LINGO2: variants seen among roughly 807,000 people sequenced by gnomAD.
LINGO2 encodes the protein leucine rich repeat and Ig domain containing 2.
Under a neutral mutation model 30.6 loss-of-function variants are expected in LINGO2, and 14 were observed. The observed-to-expected ratio is 0.46, with a 90% CI of 0.30 to 0.72. The LOEUF is 0.72. LINGO2 is among the 30% of genes least tolerant of loss of function. The pLI, the probability that LINGO2 is intolerant of heterozygous loss-of-function variation, is 0.07. For synonymous variants in LINGO2, 317 were observed against 288.5 expected (o/e 1.10, Z -1.00); for missense variants, 729 against 751.7 (o/e 0.97, Z 0.35).
At chr9:28,391,946 C>T (rs902298955) in intron 2 of LINGO2, among the ~76,000 whole-genome samples, 8 of 151,982 alleles carry the variant, frequency 5.3e-5, no homozygotes, top group African/African-American at 1.5e-4. Context: ...TGGTGGCTCA[C>T]GCCTGTAATC....
the LINGO2 span, chr9:28,863,752 C>CAA: frequency 1.4e-5 from 6 of 423,042 alleles, no homozygotes; most frequent in Non-Finnish European, 2.7e-5. Flanking sequence ...AAAACAGTAC[C>CAA]CTTTGGCCAC....
At chr9:28,745,418 G>C in the LINGO2 span, among the ~76,000 whole-genome samples, 1 of 152,174 alleles carries the variant, frequency 6.6e-6, no homozygotes, top group East Asian at 1.9e-4. Context: ...AAGGTGGTGT[G>C]TGAATAATGG....
At chr9:28,075,467 T>A (rs888268896) in intron 4 of LINGO2, among the ~76,000 whole-genome samples, 1 of 152,008 alleles carries the variant, frequency 6.6e-6, no homozygotes, top group African/African-American at 2.4e-5. Flanking sequence ...AGGAAAAGAA[T>A]TGCTAGTTAA....
intron 2 of LINGO2, among the ~76,000 whole-genome samples, chr9:28,435,450 C>T (rs998389457): frequency 2.0e-5 from 3 of 152,136 alleles, no homozygotes; most frequent in Non-Finnish European, 4.4e-5. Context: ...AGGACAAAAA[C>T]ATGCCATGTA....
At chr9:28,387,919 C>T (rs1587594951) in intron 2 of LINGO2, among the ~76,000 whole-genome samples, 1 of 152,300 alleles carries the variant, frequency 6.6e-6, no homozygotes, top group East Asian at 1.9e-4. Flanking sequence ...TCTTTAAGAA[C>T]TGTAACACTC....
chr9:28,922,615 G>A, the LINGO2 span, among the ~76,000 whole-genome samples: 14 of 152,206 alleles, frequency 9.2e-5, no homozygotes, highest in Admixed American at 6.6e-4. Flanking sequence ...AACAGTAAAT[G>A]GGATCAAGAA....
At chr9:28,381,005 C>A (rs146484824) in intron 2 of LINGO2, among the ~76,000 whole-genome samples, 2 of 152,060 alleles carry the variant, frequency 1.3e-5, no homozygotes, top group East Asian at 3.9e-4. Context: ...CTACACAGGG[C>A]CCAAAGGAAC....
chr9:28,947,482 T>A, the LINGO2 span, among the ~76,000 whole-genome samples: 1 of 152,094 alleles, frequency 6.6e-6, no homozygotes, highest in African/African-American at 2.4e-5. Flanking sequence ...GATAACTTAC[T>A]GACTAACATA....
chr9:28,165,757 C>A (rs1828410620), intron 4 of LINGO2, among the ~76,000 whole-genome samples: 2 of 152,122 alleles, frequency 1.3e-5, no homozygotes, highest in African/African-American at 4.8e-5. Context: ...CTCAATTTAC[C>A]AAATCTTACC....
At chr9:28,892,288 T>A in the LINGO2 span, among the ~76,000 whole-genome samples, 1 of 151,970 alleles carries the variant, frequency 6.6e-6, no homozygotes, top group Admixed American at 6.6e-5. Flanking sequence ...TTCTCCATAG[T>A]GATTGCCACT....
chr9:28,855,386 CG>C, the LINGO2 span, among the ~76,000 whole-genome samples: 2 of 151,938 alleles, frequency 1.3e-5, no homozygotes, highest in Non-Finnish European at 2.9e-5. Context: ...GTAATGCATT[CG>C]TAACCAGAAG....
chr9:28,575,249 A>G (rs1823898514), intron 1 of LINGO2, among the ~76,000 whole-genome samples: 2 of 151,890 alleles, frequency 1.3e-5, no homozygotes, highest in Admixed American at 6.6e-5. Flanking sequence ...GAATACAAAA[A>G]TTAGCCTGCG....
intron 5 of LINGO2, among the ~76,000 whole-genome samples, chr9:28,005,220 A>G (rs1164405658): frequency 2.0e-5 from 3 of 152,192 alleles, no homozygotes; most frequent in African/African-American, 7.2e-5. Flanking sequence ...CCTCAGCCAA[A>G]TAATCATGTC....
At chr9:28,049,245 C>G (rs1218009783) in intron 4 of LINGO2, among the ~76,000 whole-genome samples, 1 of 150,780 alleles carries the variant, frequency 6.6e-6, no homozygotes, top group Non-Finnish European at 1.5e-5. Context: ...TTCTGGCTGT[C>G]TTTTGTATAT....
At chr9:29,062,286 C>A in the LINGO2 span, among the ~76,000 whole-genome samples, 183 of 151,938 alleles carry the variant, frequency 1.2e-3, no homozygotes, top group African/African-American at 4.3e-3. Flanking sequence ...TGCAGTTCCT[C>A]AAAAAAATTA....
intron 2 of LINGO2, among the ~76,000 whole-genome samples, chr9:28,461,474 G>A (rs1395564915): frequency 6.6e-6 from 1 of 152,126 alleles, no homozygotes; most frequent in Non-Finnish European, 1.5e-5. Context: ...CTTAGGTTGG[G>A]CATGTATTAT....
At chr9:28,690,446 A>G in the LINGO2 span, among the ~76,000 whole-genome samples, 3 of 152,194 alleles carry the variant, frequency 2.0e-5, no homozygotes, top group Admixed American at 6.5e-5. Flanking sequence ...AATACAATGT[A>G]TATAAGATAA....
intron 3 of LINGO2, among the ~76,000 whole-genome samples, chr9:28,312,597 T>C (rs1286186073): frequency 6.6e-6 from 1 of 152,156 alleles, no homozygotes; most frequent in Non-Finnish European, 1.5e-5. Context: ...AAGGCACTAG[T>C]AGTATTTACA....
chr9:28,301,162 G>T (rs1824126393), intron 3 of LINGO2, among the ~76,000 whole-genome samples: 1 of 152,128 alleles, frequency 6.6e-6, no homozygotes, highest in Admixed American at 6.6e-5. Context: ...GTGAGCTGGA[G>T]AAAGTAAGCT....
Sources: gnomAD v4.1 joint callset for allele counts (sites outside exome capture counted in the v4.1 genomes callset) on GRCh38, gnomAD v4.1.1 for gene constraint, MANE v1.5 for transcripts, NCBI Gene and HGNC (gene_info 2026-07-23, HGNC 2026-07-21) for gene names.